Variants in LOXL2 observed in about 807,000 individuals in gnomAD.
LOXL2 encodes the protein lysyl oxidase homolog 2.
LOXL2 carries 70 observed loss-of-function variants against 93.0 expected under a neutral mutation model. The ratio of observed to expected loss-of-function variants is 0.75; its 90% confidence interval spans 0.62 to 0.92. LOXL2 has a LOEUF of 0.92. LOXL2 is among the 40% of genes least tolerant of loss of function. The pLI is 0.00. For synonymous variants in LOXL2, 438 were observed against 413.2 expected (o/e 1.06, Z -0.73); for missense variants, 973 against 1,054.9 (o/e 0.92, Z 1.08).
intron 1 of LOXL2, among the ~76,000 whole-genome samples, chr8:23,394,846 G>T (rs1800068909): frequency 6.6e-6 from 1 of 150,892 alleles, no homozygotes; most frequent in African/African-American, 2.4e-5. Flanking sequence ...ATACTCAAAG[G>T]GTGGAAACAA....
At chr8:23,338,021 C>T (rs569986907) in intron 4 of LOXL2, among the ~76,000 whole-genome samples, 7 of 152,320 alleles carry the variant, frequency 4.6e-5, no homozygotes, top group African/African-American at 9.6e-5. Flanking sequence ...AACAGTTTCA[C>T]GTGACTGGGG....
chr8:23,380,076 G>C (rs1302741980), intron 1 of LOXL2, among the ~76,000 whole-genome samples: 1 of 152,150 alleles, frequency 6.6e-6, no homozygotes, highest in African/African-American at 2.4e-5. Context: ...TGGCCATCTT[G>C]GAATTGCCCC....
chr8:23,337,666 C>G (rs1442197939), intron 4 of LOXL2, among the ~76,000 whole-genome samples: 1 of 152,244 alleles, frequency 6.6e-6, no homozygotes, highest in Non-Finnish European at 1.5e-5. Flanking sequence ...GAGCTCATTT[C>G]AATTAAATGA....
intron 1 of LOXL2, among the ~76,000 whole-genome samples, chr8:23,397,059 G>A (rs544412564): frequency 2.6e-5 from 4 of 152,300 alleles, no homozygotes; most frequent in African/African-American, 4.8e-5. Flanking sequence ...AGGTTACAAC[G>A]TGAAAAAACC....
intron 2 of LOXL2, among the ~76,000 whole-genome samples, chr8:23,361,276 T>A (rs1352835447): frequency 6.6e-6 from 1 of 152,092 alleles, no homozygotes; most frequent in Non-Finnish European, 1.5e-5. Flanking sequence ...AGTGGCATGA[T>A]TATCCCACCA....
At chr8:23,332,853 C>T (rs1256782322) in intron 5 of LOXL2, among the ~76,000 whole-genome samples, 1 of 134,632 alleles carries the variant, frequency 7.4e-6, no homozygotes, top group East Asian at 2.4e-4. Flanking sequence ...CGCACACATA[C>T]ACACACACTC....
chr8:23,343,893 T>G (rs1803926041), intron 3 of LOXL2, among the ~76,000 whole-genome samples: 1 of 152,186 alleles, frequency 6.6e-6, no homozygotes, highest in Non-Finnish European at 1.5e-5. Flanking sequence ...GAGGCTGGGC[T>G]GGAATTCCAG....
chr8:23,339,971 T>C (rs996506847), intron 4 of LOXL2, among the ~76,000 whole-genome samples: 1 of 152,120 alleles, frequency 6.6e-6, no homozygotes, highest in African/African-American at 2.4e-5. Context: ...AGGGAGCTGG[T>C]GGGTACAGCT....
In LOXL2 at chr8:23,333,528, T is replaced by G. The variant is rs770879044; in HGVS notation, c.839A>C (p.Gln280Pro). The change falls in exon 5 of 14, where the codon CAG becomes CCG. Residue 280 changes from glutamine (Q) to proline (P), a missense_variant. By Grantham distance (76) the Gln-to-Pro change is moderately conservative. Coordinates refer to ENST00000389131, the MANE Select transcript of LOXL2 (RefSeq NM_002318.3). The stretch of plus-strand genomic sequence containing the variant: ...ATTCTTCATGGGGTCCAGTGACACC[T>G]GGGGGCCCAGCTTGCAGCTGGAGAT... ...AHISSCKLGP[Q>P]VSLDPMKNVT... The G allele has an allele frequency of 6.2e-7, 1 of 1,613,938 alleles. No homozygotes were observed. The highest frequency in any genetic ancestry group is 8.5e-7 in the Non-Finnish European group (1 of 1,180,016).
intron 4 of LOXL2, among the ~76,000 whole-genome samples, chr8:23,334,608 T>G (rs2117174215): frequency 6.6e-6 from 1 of 152,262 alleles, no homozygotes; most frequent in African/African-American, 2.4e-5. Flanking sequence ...TAGCCTGTAT[T>G]GTTAACATGT....
intron 2 of LOXL2, 123 bp downstream of exon 2, chr8:23,367,874 G>T: frequency 1.3e-6 from 1 of 766,100 alleles, no homozygotes; most frequent in East Asian, 2.6e-5. Context: ...GTCCCTGGAT[G>T]GGCATCACCA....
At chr8:23,361,834 G>A (rs140942108) in intron 2 of LOXL2, among the ~76,000 whole-genome samples, 2,602 of 145,842 alleles carry the variant, frequency 0.018, 75 homozygotes, top group Admixed American at 0.083. Flanking sequence ...GCAAGACTCC[G>A]TCTCAAAAAC....
Position 23,333,413 on chromosome 8 carries a change from C to T in LOXL2, c.954G>A (p.Ala318=), listed in dbSNP as rs2294128. The change falls in exon 5 of 14, where the codon GCG becomes GCA. Residue 318 remains alanine, a synonymous_variant. Coordinates refer to ENST00000389131, the MANE Select transcript of LOXL2 (RefSeq NM_002318.3). The stretch of plus-strand genomic sequence containing the variant: ...GCCCCGTCCTCACCTCTGGCTTGTA[C>T]GCTTTCCGGAATCTTGAGGGTCCGT... ...SPDGPSRFRK[A]YKPEQPLVRL... is the part of the protein sequence containing the mutation. 12,733 of 1,613,800 alleles carry T rather than the reference C, an allele frequency of 7.9e-3. 1,042 individuals carry two copies. In the East Asian group the frequency reaches 0.21, roughly 26 times the overall value.
rs148428158 is a variant in LOXL2 at position 23,309,788 on chromosome 8, G to A, written c.1760C>T (p.Thr587Ile). 6.2e-7 allele frequency: 1 copy of A among 1,604,062 alleles called. No homozygotes were observed. Among genetic ancestry groups the A allele is most frequent in the Non-Finnish European group, 8.5e-7 (1 of 1,175,562 alleles). Reference protein sequence around the residue: ...ENCLSASAAQTDPTTGYRRLL... With the variant: ...ENCLSASAAQIDPTTGYRRLL... ...CCGGCGGTAGCCCGTGGTGGGGTCG[G>A]TCTGCGCGGCTGAGGCCGAGAGGCA... is the stretch of plus-strand genomic sequence containing the variant. Residue 587 changes from threonine (T) to isoleucine (I), a missense_variant, in exon 10 of 14, where the codon ACC becomes ATC. Coordinates refer to ENST00000389131, the MANE Select transcript of LOXL2 (RefSeq NM_002318.3).
At chr8:23,300,093 A>T (rs1175469608) in intron 12 of LOXL2, among the ~76,000 whole-genome samples, 1 of 152,164 alleles carries the variant, frequency 6.6e-6, no homozygotes, top group Non-Finnish European at 1.5e-5. Context: ...ACAGCTCCAC[A>T]TGCCAAGGCC....
chr8:23,402,331 G>A (rs549613686), intron 1 of LOXL2, among the ~76,000 whole-genome samples: 6 of 152,306 alleles, frequency 3.9e-5, no homozygotes, highest in East Asian at 1.9e-4. Flanking sequence ...ACGTGCGCGC[G>A]TGCACACACA....
At chr8:23,348,379 C>G (rs141474842) in intron 3 of LOXL2, among the ~76,000 whole-genome samples, 5 of 151,706 alleles carry the variant, frequency 3.3e-5, no homozygotes, top group African/African-American at 1.2e-4. Flanking sequence ...ACATTGTGCA[C>G]ACGTACCCTA....
rs575813160 is a variant in LOXL2, at chr8:23,314,996, C to T, written c.1636+1953G>A. Among the ~76,000 whole-genome samples the T allele has an allele frequency of 3.0e-4, 46 of 152,254 alleles. 1 individual carries two copies. The highest frequency in any genetic ancestry group is 8.5e-4 in the Admixed American group (13 of 15,296). On this transcript the variant is annotated intron_variant, in intron 9 of 13. Transcript: ENST00000389131. ...GAGGCTGGACAACACAAGCCCCGTG[C>T]GAGCCCCTGGTCACGGAAGTGCAGT...
chr8:23,313,123 A>G (rs1022952153), intron 9 of LOXL2, among the ~76,000 whole-genome samples: 8 of 152,238 alleles, frequency 5.3e-5, no homozygotes, highest in Admixed American at 5.2e-4. Flanking sequence ...AAGGAGAACT[A>G]CAAACCACTG....
Sources: allele counts gnomAD v4.1 joint callset (sites outside exome capture counted in the v4.1 genomes callset), GRCh38; gene constraint gnomAD v4.1.1; transcripts MANE v1.5; gene names NCBI Gene and HGNC (gene_info 2026-07-23, HGNC 2026-07-21).